TMEM132C: variants seen among roughly 807,000 people sequenced by gnomAD.
TMEM132C encodes the protein protein phosphatase 1, regulatory subunit 152.
A neutral mutation model predicts 61.4 loss-of-function variants in TMEM132C; 29 were observed. The ratio of observed to expected loss-of-function variants is 0.47; its 90% CI spans 0.35 to 0.64. TMEM132C has a LOEUF of 0.64. TMEM132C is among the 30% of genes least tolerant of loss of function. TMEM132C has a pLI of 0.00. For synonymous variants in TMEM132C, 656 were observed against 633.1 expected (o/e 1.04, Z -0.54); for missense variants, 1,408 against 1,476.9 (o/e 0.95, Z 0.76).
intron 1 of TMEM132C, among the ~76,000 whole-genome samples, chr12:128,286,351 G>A (rs1871073550): frequency 6.6e-6 from 1 of 152,154 alleles, no homozygotes; most frequent in African/African-American, 2.4e-5. Context: ...CAGGGCCCCT[G>A]CTTAGACAGG....
chr12:128,433,228 A>G (rs1869456009), intron 2 of TMEM132C, among the ~76,000 whole-genome samples: 1 of 152,146 alleles, frequency 6.6e-6, no homozygotes, highest in Non-Finnish European at 1.5e-5. Context: ...TTATTGTGAT[A>G]TTCACTTTAT....
intron 3 of TMEM132C, among the ~76,000 whole-genome samples, chr12:128,572,492 C>T (rs529550508): frequency 2.9e-4 from 41 of 142,218 alleles, no homozygotes; most frequent in South Asian, 9.3e-4. Context: ...GCTGGGCCTG[C>T]GTCACATGGC....
At chr12:128,442,199 T>C (rs6486641) in intron 2 of TMEM132C, among the ~76,000 whole-genome samples, 33,570 of 152,020 alleles carry the variant, frequency 0.22, 5,517 homozygotes, top group African/African-American at 0.46. Flanking sequence ...CGTCATCACT[T>C]GCTCCCTCCC....
chr12:128,469,658 G>A (rs1456827284), intron 2 of TMEM132C, among the ~76,000 whole-genome samples: 4 of 150,722 alleles, frequency 2.7e-5, no homozygotes, highest in African/African-American at 4.9e-5. Context: ...GTGTGTGTGT[G>A]TGTGTATATA....
chr12:128,552,036 G>A (rs181591635), intron 3 of TMEM132C, among the ~76,000 whole-genome samples: 7 of 152,352 alleles, frequency 4.6e-5, no homozygotes, highest in East Asian at 1.9e-4. Context: ...GGGGGACTCC[G>A]TGTTGGGAAT....
rs1340443202 is a variant in TMEM132C at position 128,544,083 on chromosome 12, G to A, written c.1101G>A (p.Leu367=). The change falls in exon 3 of 9, where the codon CTG becomes CTA. Residue 367 remains leucine (L), a synonymous_variant. Transcript: ENST00000435159. Reference sequence around the variant, plus strand: ...CGGCCACCGTGGCCTGCCAGCGCCTGGGGCCCAGCCCACGCAACAGGTAAG... The same window carrying A: ...CGGCCACCGTGGCCTGCCAGCGCCTAGGGCCCAGCCCACGCAACAGGTAAG... The part of the protein sequence containing the change: ...HVTATVACQR[L]GPSPRNRSSS... 6.5e-7 allele frequency: 1 copy of A among 1,541,442 alleles called. No individual in the cohort carries two copies.
Position 128,697,420 on chromosome 12 carries a change from G to A in TMEM132C, c.2121+5G>A. On this transcript the variant is annotated splice_donor_5th_base_variant and intron_variant, in intron 8 of 8. Coordinates refer to ENST00000435159, the MANE Select transcript of TMEM132C (RefSeq NM_001136103.3). ...GTGCTGCGGACCCCCAAACAGGTAG[G>A]GGGCCAAATGCCAGAGGTTCAGAGG... 2 of 1,527,438 alleles carry A rather than the reference G, an allele frequency of 1.3e-6. No homozygotes were observed. Among genetic ancestry groups the A allele is most frequent in the Non-Finnish European group, 1.8e-6 (2 of 1,128,738 alleles). The allele number at this position is 1,527,438 out of a possible 1,614,324, so 94.6% of individuals were successfully genotyped here. A position where few individuals can be genotyped will look rare whatever the true frequency, so the allele number is the denominator to read the frequency against.
chr12:128,592,198 AC>A (rs1875777665), intron 3 of TMEM132C, among the ~76,000 whole-genome samples: 1 of 152,120 alleles, frequency 6.6e-6, no homozygotes, highest in Admixed American at 6.5e-5. Context: ...TCATCATCCT[AC>A]CCTGACACGG....
intron 2 of TMEM132C, among the ~76,000 whole-genome samples, chr12:128,485,825 C>T (rs10847628): frequency 0.028 from 4,247 of 152,268 alleles, 73 homozygotes; most frequent in Non-Finnish European, 0.032. Flanking sequence ...ATTGAGCTGA[C>T]GGAGGGCGCG....
chr12:128,418,935 C>T (rs1043668831), intron 2 of TMEM132C, among the ~76,000 whole-genome samples: 10 of 152,032 alleles, frequency 6.6e-5, no homozygotes, highest in African/African-American at 9.7e-5. Context: ...AGAGAACTTC[C>T]TTCCTGTGCA....
At position 128,595,621 on chromosome 12, in the gene TMEM132C, G is replaced by T. The variant is rs146416045; in HGVS notation, c.1122-20531G>T. 3.9e-5 allele frequency among the ~76,000 whole-genome samples: 6 copies of T among 152,338 alleles called. No individual in the cohort carries two copies. In the South Asian group the frequency reaches 8.3e-4, roughly 21 times the overall value. On this transcript the variant is annotated intron_variant, in intron 3 of 8. Coordinates refer to ENST00000435159, the MANE Select transcript of TMEM132C (RefSeq NM_001136103.3). ...TTGTAAGAGGCAGCAGGAGGCACGT[G>T]GGGGTGAGCCTGACCCAGTGAGACC...
intron 1 of TMEM132C, among the ~76,000 whole-genome samples, chr12:128,383,413 G>T (rs1290455830): frequency 6.6e-6 from 1 of 152,192 alleles, no homozygotes; most frequent in Non-Finnish European, 1.5e-5. Flanking sequence ...GTGCTAAGGA[G>T]CTCGCAGCCG....
At chr12:128,621,649 G>A (rs7299082) in intron 4 of TMEM132C, among the ~76,000 whole-genome samples, 9 of 152,256 alleles carry the variant, frequency 5.9e-5, no homozygotes, top group African/African-American at 1.4e-4. Flanking sequence ...GTACTGTTTC[G>A]GGAGCCCTGG....
chr12:128,663,873 C>CACACAT (rs1954421984), intron 4 of TMEM132C, among the ~76,000 whole-genome samples: 1 of 145,134 alleles, frequency 6.9e-6, no homozygotes, highest in Non-Finnish European at 1.5e-5. Context: ...CACAGGCACA[C>CACACAT]ACACATACAG....
intron 3 of TMEM132C, among the ~76,000 whole-genome samples, chr12:128,555,503 T>A (rs1162213766): frequency 1.3e-5 from 2 of 152,128 alleles, no homozygotes; most frequent in African/African-American, 4.8e-5. Flanking sequence ...CGTCTCCCAC[T>A]CCACACACGC....
rs112143544 is a variant in TMEM132C at position 128,488,915 on chromosome 12, A to G, written c.975-55042A>G. 1.6e-4 allele frequency among the ~76,000 whole-genome samples: 25 copies of G among 152,308 alleles called. 1 individual carries two copies. The highest frequency in any genetic ancestry group is 5.8e-4 in the African/African-American group (24 of 41,572). ...AAATAAAATTTTCTCTTTTCAGTTC[A>G]TACCTCAGTGCTGTTCGTCCCACCC... On this transcript the variant is annotated intron_variant, in intron 2 of 8. Coordinates refer to ENST00000435159, the MANE Select transcript of TMEM132C (RefSeq NM_001136103.3).
intron 5 of TMEM132C, among the ~76,000 whole-genome samples, chr12:128,671,983 A>T (rs1954536667): frequency 6.6e-6 from 1 of 152,210 alleles, no homozygotes; most frequent in Non-Finnish European, 1.5e-5. Flanking sequence ...CCACATATGA[A>T]ATTTTAAATT....
intron 5 of TMEM132C, among the ~76,000 whole-genome samples, chr12:128,671,798 G>A (rs1954535128): frequency 6.6e-6 from 1 of 152,156 alleles, no homozygotes; most frequent in African/African-American, 2.4e-5. Flanking sequence ...CTGACTGTTG[G>A]AGGTAGTATC....
At chr12:128,404,714 G>A (rs1026590415) in intron 1 of TMEM132C, 5 of 152,032 alleles carry the variant, frequency 3.3e-5, no homozygotes, top group African/African-American at 7.3e-5. Context: ...TGGTCAACAC[G>A]TCTGAAAGTG....
Sources: gnomAD v4.1 joint callset for allele counts (sites outside exome capture counted in the v4.1 genomes callset) on GRCh38, gnomAD v4.1.1 for gene constraint, MANE v1.5 for transcripts, NCBI Gene and HGNC (gene_info 2026-07-23, HGNC 2026-07-21) for gene names.